The following VPS13D variants were observed in gnomAD, a reference collection of about 807,000 sequenced individuals.
VPS13D encodes the protein intermembrane lipid transfer protein VPS13D.
Under a neutral mutation model 461.9 loss-of-function variants are expected in VPS13D, and 187 were observed. The ratio of observed to expected loss-of-function variants is 0.40; its 90% CI spans 0.36 to 0.46. The LOEUF (loss-of-function observed/expected upper bound fraction) is 0.46. Ranked by LOEUF, VPS13D falls within the 20% of genes least tolerant of loss-of-function variation. VPS13D has a pLI of 0.60. For missense variants in VPS13D, 4,711 were observed against 5,364.9 expected, an observed-to-expected ratio of 0.88 and a Z score of 3.81; for synonymous variants, 1,951 against 1,986.3, an observed-to-expected ratio of 0.98 and a Z score of 0.47.
intron 65 of VPS13D, among the ~76,000 whole-genome samples, chr1:12,421,078 T>A (rs990268963): frequency 6.6e-6 from 1 of 152,248 alleles, no homozygotes; most frequent in Admixed American, 6.5e-5. Flanking sequence ...CAAGGAAATA[T>A]AAGTAGGAAA....
At chr1:12,233,267 A>C (rs529135356) in intron 1 of VPS13D, among the ~76,000 whole-genome samples, 1 of 152,262 alleles carries the variant, frequency 6.6e-6, no homozygotes, top group African/African-American at 2.4e-5. Context: ...CGGCCTCCCA[A>C]AGTGCTGGGA....
At chr1:12,274,879 T>A (rs986410219) in intron 18 of VPS13D, among the ~76,000 whole-genome samples, 2 of 151,542 alleles carry the variant, frequency 1.3e-5, no homozygotes, top group African/African-American at 4.9e-5. Flanking sequence ...AGGTCAGGAG[T>A]TCGAGGCCAG....
intron 16 of VPS13D, among the ~76,000 whole-genome samples, chr1:12,269,140 G>GT (rs746829658): frequency 1.3e-4 from 20 of 151,404 alleles, no homozygotes; most frequent in Non-Finnish European, 2.1e-4. Flanking sequence ...TTTCATTTCT[G>GT]TTTTTTTTCC....
intron 37 of VPS13D, among the ~76,000 whole-genome samples, chr1:12,330,676 C>T (rs1227875805): frequency 6.6e-6 from 1 of 151,998 alleles, no homozygotes; most frequent in Non-Finnish European, 1.5e-5. Context: ...AAGTGATTCC[C>T]CTGCCTCAGC....
chr1:12,266,843 A>G (rs1214516618), intron 13 of VPS13D, 38 bp from the exon 14 acceptor site: 13 of 1,476,202 alleles, frequency 8.8e-6, no homozygotes, highest in Non-Finnish European at 1.2e-5. Flanking sequence ...TTAGGCTCTC[A>G]TAAGCATTGT....
At chr1:12,464,080 C>T (rs979313516) in intron 67 of VPS13D, among the ~76,000 whole-genome samples, 1 of 152,190 alleles carries the variant, frequency 6.6e-6, no homozygotes, top group African/African-American at 2.4e-5. Context: ...CACTGTATCT[C>T]TTAGGAACAT....
intron 8 of VPS13D, among the ~76,000 whole-genome samples, 156 bp from the exon 9 acceptor site, chr1:12,256,831 A>G (rs1640939519): frequency 1.3e-5 from 2 of 152,168 alleles, no homozygotes; most frequent in African/African-American, 2.4e-5. Flanking sequence ...TCAGAGAAAC[A>G]TGTCACTTGA....
Position 12,359,657 on chromosome 1 carries a change from T to C in VPS13D, c.10141+1056T>C, listed in dbSNP as rs566428322. 3.9e-5 allele frequency among the ~76,000 whole-genome samples: 6 copies of C among 152,350 alleles called. No homozygotes were observed. The East Asian group carries it at 1.2e-3, about 29-fold the overall frequency. ...TGAGTCCCATGGAGAATCAAAGATA[T>C]GTTTAAATGTCTGAGGATTTATTAA... On this transcript the variant is annotated intron_variant, in intron 50 of 69. Coordinates refer to ENST00000620676, the MANE Select transcript of VPS13D (RefSeq NM_015378.4).
At chr1:12,450,933 T>C (rs368426371) in intron 65 of VPS13D, among the ~76,000 whole-genome samples, 3 of 152,218 alleles carry the variant, frequency 2.0e-5, no homozygotes, top group African/African-American at 7.2e-5. Context: ...CCACCAGCAA[T>C]TACTCAGTGA....
Position 12,507,539 on chromosome 1 carries a change from G to C in VPS13D, c.13035+446G>C, listed in dbSNP as rs1012405822. ...GTAACTTTTGTTCTAGTAGCATCTA[G>C]CATGCTCAATAATTATTTGTAAATA... On this transcript the variant is annotated intron_variant, in intron 69 of 69. Coordinates refer to ENST00000620676, the MANE Select transcript of VPS13D (RefSeq NM_015378.4). This position sits in a 1 kb window ranked among gnomAD's most constrained non-coding sequence, Gnocchi z 5.3. 7.0e-6 allele frequency: 3 copies of C among 429,958 alleles called. No homozygotes were observed. The highest frequency in any genetic ancestry group is 6.1e-5 in the African/African-American group (3 of 49,056). The allele number at this position is 429,958 out of a possible 1,614,324, so 26.6% of individuals were successfully genotyped here. A position where few individuals can be genotyped will look rare whatever the true frequency, so the allele number is the denominator to read the frequency against.
chr1:12,391,797 T>G (rs759027082), intron 60 of VPS13D, among the ~76,000 whole-genome samples: 1 of 152,190 alleles, frequency 6.6e-6, no homozygotes, highest in Non-Finnish European at 1.5e-5. Flanking sequence ...TATTGCTTTT[T>G]ACAGCTAGTT....
chr1:12,238,670 C>T (rs1473755227), intron 2 of VPS13D, among the ~76,000 whole-genome samples: 3 of 147,542 alleles, frequency 2.0e-5, no homozygotes, highest in African/African-American at 7.5e-5. Context: ...CTCACTCTGT[C>T]ACCCAGGCTA....
chr1:12,418,288 A>G (rs1254028853), intron 65 of VPS13D, among the ~76,000 whole-genome samples: 5 of 152,178 alleles, frequency 3.3e-5, no homozygotes, highest in African/African-American at 1.2e-4. Context: ...ACTAGCGTGT[A>G]CTTTTCTGCC....
chr1:12,285,296 ATTT>A (rs67174302), intron 21 of VPS13D, among the ~76,000 whole-genome samples: 6 of 133,686 alleles, frequency 4.5e-5, no homozygotes, highest in African/African-American at 1.7e-4. Context: ...TTATTTATTT[ATTT>A]TTTTTTTTTG....
chr1:12,401,058 G>A (rs1334495240), intron 61 of VPS13D, among the ~76,000 whole-genome samples: 4 of 151,720 alleles, frequency 2.6e-5, no homozygotes, highest in East Asian at 1.9e-4. Context: ...TGAGACAGAC[G>A]TGCTGCTACC....
At chr1:12,492,246 T>A (rs958697647) in intron 67 of VPS13D, among the ~76,000 whole-genome samples, 22 of 152,236 alleles carry the variant, frequency 1.4e-4, no homozygotes, top group African/African-American at 3.4e-4. Context: ...TCCACTTTTT[T>A]AAATTTATTA....
At position 12,299,119 on chromosome 1, in the gene VPS13D, G is replaced by A. The variant is rs1048810286; in HGVS notation, c.6034-83G>A. ...GATTTTAATTGTTTTATAAACTCAC[G>A]AAACTTTTGGGAACCTGAGGTTATT... On this transcript the variant is annotated intron_variant, in intron 24 of 69. Transcript: ENST00000620676. This position sits in a 1 kb window ranked among gnomAD's most constrained non-coding sequence, Gnocchi z 4.2. The A allele has an allele frequency of 1.2e-5, 16 of 1,368,726 alleles. No homozygotes were observed. The highest frequency in any genetic ancestry group is 9.3e-5 in the South Asian group (6 of 64,188). The allele number at this position is 1,368,726 out of a possible 1,614,324, so 84.8% of individuals were successfully genotyped here.
At chr1:12,360,409 C>T (rs1383749046) in intron 50 of VPS13D, among the ~76,000 whole-genome samples, 1 of 152,114 alleles carries the variant, frequency 6.6e-6, no homozygotes, top group African/African-American at 2.4e-5. Flanking sequence ...CCAAAAAGAA[C>T]GATTTTGTGC....
rs77452303 is a variant in VPS13D at position 12,503,643 on chromosome 1, C to T, written c.12795-3210C>T. Among the ~76,000 whole-genome samples, 1,170 of 152,324 alleles carry T rather than the reference C, an allele frequency of 7.7e-3. 63 individuals are homozygous for T. The East Asian group carries it at 0.13, about 17-fold the overall frequency. On this transcript the variant is annotated intron_variant, in intron 68 of 69. Transcript: ENST00000620676. ...TTGGAAGGATAAAGCTTATCTGATGCTGTGTGTTTCTGGCTGCATTTTTTT... is the reference window on the plus strand; with the variant it reads ...TTGGAAGGATAAAGCTTATCTGATGTTGTGTGTTTCTGGCTGCATTTTTTT...
Sources: allele counts gnomAD v4.1 joint callset (sites outside exome capture counted in the v4.1 genomes callset), GRCh38; gene constraint gnomAD v4.1.1; non-coding constraint Gnocchi (gnomAD v3.1); transcripts MANE v1.5; gene names NCBI Gene and HGNC (gene_info 2026-07-23, HGNC 2026-07-21).